Variants in SNAPC2 observed in about 807,000 individuals in gnomAD.
The protein encoded by SNAPC2 is snRNA-activating protein complex subunit 2.
SNAPC2 carries 27 observed loss-of-function variants against 22.9 expected under a neutral mutation model. The observed-to-expected ratio is 1.18, with a 90% CI of 0.87 to 1.63. The LOEUF is 1.63. Among genes scored for constraint, SNAPC2 ranks in the 40% most tolerant of loss-of-function variants. SNAPC2 has a pLI of 0.00. For missense variants in SNAPC2, 570 were observed against 449.1 expected (o/e 1.27, Z -2.43); for synonymous variants, 272 against 201.0 (o/e 1.35, Z -2.99).
At chr19:7,922,382 G>A in intron 4 of SNAPC2, 35 bp downstream of exon 4, 2 of 1,598,814 alleles carry the variant, frequency 1.3e-6, no homozygotes, top group Non-Finnish European at 1.7e-6. Flanking sequence ...GGAGCAGAGG[G>A]ATCAAGGGTC....
chr19:7,921,121 T>C, intron 1 of SNAPC2: 1 of 1,307,324 alleles, frequency 7.6e-7, no homozygotes. Flanking sequence ...GAGCTTGAAG[T>C]GAGAGGGAAT....
At position 7,922,571 on chromosome 19, in the gene SNAPC2, C is replaced by A. The variant is rs1983621688; in HGVS notation, c.812C>A (p.Ala271Asp). ...LRLTAPQPIP[A>D]GGSLGPAAEG... ...CTGACAGCCCCCCAGCCCATTCCCG[C>A]TGGAGGGAGCCTGGGGCCTGCAGCA... is the stretch of plus-strand genomic sequence containing the variant. Residue 271 changes from alanine (A) to aspartate (D), a missense_variant, in exon 5 of 5, where the codon GCT (alanine) becomes GAT (aspartate). Coordinates refer to ENST00000221573, the MANE Select transcript of SNAPC2 (RefSeq NM_003083.4). The A allele has an allele frequency of 1.2e-6, 2 of 1,613,644 alleles. No homozygotes were observed.
At position 7,922,139 on chromosome 19, in the gene SNAPC2, A is replaced by G. The variant is rs1038649467; in HGVS notation, c.477A>G (p.Gly159=). ...CTTTGCTCCTGAGCGCCCCTGGAGG[A>G]CAGGAAGACCCCGCCCCTGAAATAC... The part of the protein sequence containing the change: ...GKPLLLSAPG[G]QEDPAPEIPS... The change falls in exon 4 of 5, where the codon GGA becomes GGG. Residue 159 remains glycine (G), a synonymous_variant. Coordinates refer to ENST00000221573, the MANE Select transcript of SNAPC2 (RefSeq NM_003083.4). 1.2e-6 allele frequency: 2 copies of G among 1,613,904 alleles called. No homozygotes were observed. Among genetic ancestry groups the G allele is most frequent in the Middle Eastern group, 1.7e-4 (1 of 6,060 alleles).
intron 3 of SNAPC2, 109 bp from the exon 4 acceptor site, chr19:7,921,926 C>A: frequency 7.1e-7 from 1 of 1,406,156 alleles, no homozygotes. Context: ...GGCTCTGAGG[C>A]CATCTCTTGT....
In SNAPC2 at chr19:7,921,429, G is replaced by T. The variant is rs766677645; in HGVS notation, c.190G>T (p.Val64Phe). 15 of 1,613,846 alleles carry T rather than the reference G, an allele frequency of 9.3e-6. No homozygotes were observed. In the Middle Eastern group the frequency reaches 1.8e-3, roughly 195 times the overall value. Residue 64 changes from valine (V) to phenylalanine (F), a missense_variant, in exon 2 of 5, where the codon GTC becomes TTC. Physicochemically the swap from Val to Phe is conservative, Grantham distance 50 (BLOSUM62 -1). Coordinates refer to ENST00000221573, the MANE Select transcript of SNAPC2 (RefSeq NM_003083.4). Reference protein sequence around the residue: ...LRGRSEAEIRVFLQQLKGRVA... With the variant: ...LRGRSEAEIRFFLQQLKGRVA... ...CCGCCTCTTTCCTTTCTAGATCCGG[G>T]TCTTCCTCCAGCAGCTCAAGGGCCG...
intron 1 of SNAPC2, 191 bp downstream of exon 1, chr19:7,920,740 G>A (rs1599639841): frequency 3.0e-6 from 1 of 338,370 alleles, no homozygotes; most frequent in Non-Finnish European, 5.0e-6. Flanking sequence ...GCGTGGACGG[G>A]AAGAGAAGAC....
chr19:7,920,743 G>A (rs1035723496), intron 1 of SNAPC2, 194 bp downstream of exon 1: 7 of 406,314 alleles, frequency 1.7e-5, no homozygotes, highest in Non-Finnish European at 2.5e-5. Flanking sequence ...TGGACGGGAA[G>A]AGAAGACCTA....
intron 1 of SNAPC2, chr19:7,920,955 TG>T (rs1195021369): frequency 1.9e-5 from 16 of 836,986 alleles, no homozygotes; most frequent in South Asian, 1.4e-4. Context: ...GAGTAAGGCG[TG>T]GGAGGGGCGT....
In SNAPC2 at chr19:7,923,218, C is replaced by T. The variant is rs2145164475; in HGVS notation, c.*454C>T. 6.2e-6 allele frequency: 1 copy of T among 162,112 alleles called. No individual in the cohort carries two copies. Among genetic ancestry groups the T allele is most frequent in the African/African-American group, 2.4e-5 (1 of 41,924 alleles). The allele number at this position is 162,112 out of a possible 1,614,324, so 10.0% of individuals were successfully genotyped here. ...CCCCTTCCCGGGGGTATTCTGTGACCATGAATAAAGTTATCATTCTCTTTC... is the reference window on the plus strand; with the variant it reads ...CCCCTTCCCGGGGGTATTCTGTGACTATGAATAAAGTTATCATTCTCTTTC... On this transcript the variant is annotated 3_prime_UTR_variant, in exon 5 of 5. Coordinates refer to ENST00000221573, the MANE Select transcript of SNAPC2 (RefSeq NM_003083.4).
chr19:7,922,868 C>G lies in SNAPC2; in HGVS notation c.*104C>G, dbSNP rs991691977. 1 of 922,214 alleles carries G rather than the reference C, an allele frequency of 1.1e-6. No individual in the cohort carries two copies. The highest frequency in any genetic ancestry group is 1.6e-6 in the Non-Finnish European group (1 of 612,364). 57.1% of individuals were successfully genotyped at this position (922,214 alleles called of 1,614,324 possible). On this transcript the variant is annotated 3_prime_UTR_variant, in exon 5 of 5. Coordinates refer to ENST00000221573, the MANE Select transcript of SNAPC2 (RefSeq NM_003083.4). The stretch of plus-strand genomic sequence containing the variant: ...GAGGATCCCGTCATGGGGGAAGGTC[C>G]TTGAGATGATGCTCAGCTGTGGGGC...
Position 7,922,898 on chromosome 19 carries a change from C to A in SNAPC2, c.*134C>A. 1.4e-6 allele frequency: 1 copy of A among 700,050 alleles called. No individual in the cohort carries two copies. Among genetic ancestry groups the A allele is most frequent in the Non-Finnish European group, 2.3e-6 (1 of 430,014 alleles). 43.4% of individuals were successfully genotyped at this position (700,050 alleles called of 1,614,324 possible). A position where few individuals can be genotyped will look rare whatever the true frequency, so the allele number is the denominator to read the frequency against. On this transcript the variant is annotated 3_prime_UTR_variant, in exon 5 of 5. Transcript: ENST00000221573. ...GATGATGCTCAGCTGTGGGGCGGGC[C>A]TCTAAGATGCCCCATACTTTGGGGG...
intron 1 of SNAPC2, 180 bp from the exon 2 acceptor site, chr19:7,921,243 A>G: frequency 7.1e-7 from 1 of 1,403,564 alleles, no homozygotes; most frequent in Non-Finnish European, 9.4e-7. Context: ...TTCCTTAGGT[A>G]GCTGGTCACG....
At position 7,922,492 on chromosome 19, in the gene SNAPC2, C is replaced by T; in HGVS notation, c.733C>T (p.Pro245Ser). Residue 245 changes from proline (P) to serine (S), a missense_variant, in exon 5 of 5, where the codon CCA becomes TCA. Transcript: ENST00000221573. ...GCTCATGTCACTTCCAGAGGAGCTG[C>T]CACTCCTGCCCTGCACAGCCCTGGT... is the stretch of plus-strand genomic sequence containing the variant. ...DLLMSLPEEL[P>S]LLPCTALVEH... The T allele has an allele frequency of 6.2e-7, 1 of 1,602,676 alleles. No homozygotes were observed.
rs202107483 is a variant in SNAPC2, at chr19:7,922,076, C to T, written c.414C>T (p.His138=). ...CCACGGAACCGGTCACCCTCCTGCA[C>T]TCCAAGCCCCCCAAGCCCACGCAGG... ...IAATEPVTLL[H]SKPPKPTQAR... is the part of the protein sequence containing the mutation. Residue 138 remains histidine (H), a synonymous_variant, in exon 4 of 5, where the codon CAC becomes CAT. Coordinates refer to ENST00000221573, the MANE Select transcript of SNAPC2 (RefSeq NM_003083.4). 9.9e-6 allele frequency: 16 copies of T among 1,613,564 alleles called. No homozygotes were observed. The Admixed American group carries it at 2.3e-4, about 24-fold the overall frequency.
chr19:7,922,761 G>T lies in SNAPC2; in HGVS notation c.1002G>T (p.Arg334Ser). The stretch of plus-strand genomic sequence containing the variant: ...TGGGTCGGGCAGCCACCCCTGCCAG[G>T]TGAGGGGCATGGCGGGCAGGAGGCC... ...ELLGRAATPA[R>S] is the part of the protein sequence containing the mutation. Residue 334 changes from arginine (R) to serine (S), a missense_variant, in exon 5 of 5, where the codon AGG becomes AGT. Physicochemically the swap from Arg to Ser is moderately radical, Grantham distance 110 (BLOSUM62 -1). Transcript: ENST00000221573. 2.5e-6 allele frequency: 4 copies of T among 1,580,512 alleles called. No homozygotes were observed. The East Asian group carries it at 6.8e-5, about 27-fold the overall frequency.
At position 7,922,540 on chromosome 19, in the gene SNAPC2, C is replaced by G; in HGVS notation, c.781C>G (p.Leu261Val). The G allele has an allele frequency of 2.5e-6, 4 of 1,613,222 alleles. No homozygotes were observed. The highest frequency in any genetic ancestry group is 3.4e-6 in the Non-Finnish European group (4 of 1,179,626). ...ALVEHMTETY[L>V]RLTAPQPIPA... ...GGTTGAGCATATGACGGAGACGTAC[C>G]TACGCCTGACAGCCCCCCAGCCCAT... Residue 261 changes from leucine to valine, a missense_variant, in exon 5 of 5, where the codon CTA (leucine) becomes GTA (valine). Leu to Val is a conservative substitution (Grantham distance 32, BLOSUM62 1). Transcript: ENST00000221573.
rs374752327 is a variant in SNAPC2 at position 7,922,152 on chromosome 19, G to A, written c.490G>A (p.Ala164Thr). 6.2e-6 allele frequency: 10 copies of A among 1,613,840 alleles called. No homozygotes were observed. The East Asian group carries it at 1.1e-4, about 18-fold the overall frequency. The part of the protein sequence containing the change: ...LSAPGGQEDP[A>T]PEIPSSAPAA... ...CGCCCCTGGAGGACAGGAAGACCCC[G>A]CCCCTGAAATACCTAGCTCTGCCCC... Residue 164 changes from alanine to threonine, a missense_variant, in exon 4 of 5, where the codon GCC becomes ACC. Transcript: ENST00000221573.
rs763411378 is a variant in SNAPC2 at position 7,922,048 on chromosome 19, C to T, written c.386C>T (p.Ala129Val). The T allele has an allele frequency of 5.6e-6, 9 of 1,608,108 alleles. No homozygotes were observed. Among genetic ancestry groups the T allele is most frequent in the East Asian group, 4.5e-5 (2 of 44,744 alleles). ...AVAFSQVLTI[A>V]ATEPVTLLHS... is the part of the protein sequence containing the mutation. ...TCTGCCTGCCAGGTGCTCACCATCG[C>T]GGCCACGGAACCGGTCACCCTCCTG... Residue 129 changes from alanine (A) to valine (V), a missense_variant, in exon 4 of 5, where the codon GCG becomes GTG. By Grantham distance (64) the Ala-to-Val change is moderately conservative. Coordinates refer to ENST00000221573, the MANE Select transcript of SNAPC2 (RefSeq NM_003083.4).
Position 7,920,472 on chromosome 19 carries a change from C to T in SNAPC2, c.106C>T (p.Leu36=), listed in dbSNP as rs1983523516. 1 of 1,531,942 alleles carries T rather than the reference C, an allele frequency of 6.5e-7. No homozygotes were observed. The highest frequency in any genetic ancestry group is 8.7e-7 in the Non-Finnish European group (1 of 1,147,596). The allele number at this position is 1,531,942 out of a possible 1,614,324, so 94.9% of individuals were successfully genotyped here. A position where few individuals can be genotyped will look rare whatever the true frequency, so the allele number is the denominator to read the frequency against. ...AREKRQLVRL[L]QARQGQPEPD... is the part of the protein sequence containing the mutation. ...CGAGAAGCGGCAGCTAGTGCGACTC[C>T]TGCAGGCGCGGCAGGGCCAGCCGGA... The change falls in exon 1 of 5, where the codon CTG becomes TTG. Residue 36 remains leucine (L), a synonymous_variant. Transcript: ENST00000221573.
Sources: allele counts gnomAD v4.1 joint callset, GRCh38; gene constraint gnomAD v4.1.1; transcripts MANE v1.5; gene names NCBI Gene and HGNC (gene_info 2026-07-23, HGNC 2026-07-21).